Variants in XYLT1 observed in about 807,000 individuals in gnomAD.
XYLT1 encodes xylosyltransferase 1.
Under a neutral mutation model 91.3 loss-of-function variants are expected in XYLT1, and 36 were observed. The ratio of observed to expected loss-of-function variants is 0.39; its 90% CI spans 0.30 to 0.52. The LOEUF (loss-of-function observed/expected upper bound fraction) is 0.52, where lower values mean the gene tolerates loss of function less well. Among genes scored for constraint, XYLT1 ranks in the 20% least tolerant of loss-of-function variants. XYLT1 has a pLI of 0.68. For synonymous variants in XYLT1, 588 were observed against 532.0 expected, an observed-to-expected ratio of 1.11 and a Z score of -1.45; for missense variants, 1,242 against 1,284.5, an observed-to-expected ratio of 0.97 and a Z score of 0.51.
At chr16:17,308,461 C>T (rs975209950) in intron 2 of XYLT1, among the ~76,000 whole-genome samples, 1 of 152,222 alleles carries the variant, frequency 6.6e-6, no homozygotes, top group Non-Finnish European at 1.5e-5. Context: ...TAGAACCTTT[C>T]CTCTCCTCAC....
chr16:17,319,283 G>C (rs2034682120), intron 2 of XYLT1, among the ~76,000 whole-genome samples: 1 of 152,156 alleles, frequency 6.6e-6, no homozygotes, highest in African/African-American at 2.4e-5. Flanking sequence ...TGAAACATTT[G>C]TTCAATGCCT....
intron 2 of XYLT1, among the ~76,000 whole-genome samples, chr16:17,267,648 A>G (rs1442076792): frequency 6.6e-6 from 1 of 152,124 alleles, no homozygotes; most frequent in Non-Finnish European, 1.5e-5. Flanking sequence ...TGACCTCATG[A>G]TCCGCCCGCC....
chr16:17,108,233 G>C lies in XYLT1; in HGVS notation c.*462C>G, dbSNP rs946090955. ...GTACCGTAGGAGATACCCTGGGCAA[G>C]GGGACCGCCCAGAGGGCTGAGCTTT... On this transcript the variant is annotated 3_prime_UTR_variant, in exon 12 of 12. Coordinates refer to ENST00000261381, the MANE Select transcript of XYLT1 (RefSeq NM_022166.4). The C allele has an allele frequency of 6.4e-6, 1 of 155,464 alleles. No individual in the cohort carries two copies. Among genetic ancestry groups the C allele is most frequent in the Non-Finnish European group, 1.4e-5 (1 of 70,126 alleles). The allele number at this position is 155,464 out of a possible 1,614,324, so 9.6% of individuals were successfully genotyped here.
chr16:17,383,262 CCTT>C (rs2035703816), intron 1 of XYLT1, among the ~76,000 whole-genome samples: 3 of 151,894 alleles, frequency 2.0e-5, no homozygotes. Context: ...GCCAGGAATC[CCTT>C]CTTCTCTTGC....
intron 2 of XYLT1, among the ~76,000 whole-genome samples, chr16:17,307,685 C>A (rs762260856): frequency 7.9e-5 from 12 of 152,150 alleles, no homozygotes; most frequent in Non-Finnish European, 1.8e-4. Context: ...ATGACTCTGG[C>A]CCATTTGTAA....
At chr16:17,250,422 C>T (rs1046446886) in intron 3 of XYLT1, 8 of 152,212 alleles carry the variant, frequency 5.3e-5, no homozygotes, top group African/African-American at 1.9e-4. Flanking sequence ...CTGAAGCATG[C>T]CCACAATGGT....
intron 3 of XYLT1, among the ~76,000 whole-genome samples, chr16:17,216,544 C>T (rs528692718): frequency 6.6e-6 from 1 of 152,038 alleles, no homozygotes; most frequent in Non-Finnish European, 1.5e-5. Context: ...CCATTTGTCA[C>T]ATTAATGCTG....
At chr16:17,461,532 GA>G (rs1411643917) in intron 1 of XYLT1, among the ~76,000 whole-genome samples, 1 of 152,188 alleles carries the variant, frequency 6.6e-6, no homozygotes, top group Non-Finnish European at 1.5e-5. Context: ...TAGATAGGTG[GA>G]TGAATGGATC....
intron 11 of XYLT1, among the ~76,000 whole-genome samples, chr16:17,111,384 T>C (rs1966840522): frequency 6.6e-6 from 1 of 152,210 alleles, no homozygotes; most frequent in South Asian, 2.1e-4. Flanking sequence ...TATTGCTCAG[T>C]AGAAGCACAT....
chr16:17,199,893 A>G (rs2032500184), intron 4 of XYLT1, among the ~76,000 whole-genome samples: 1 of 152,156 alleles, frequency 6.6e-6, no homozygotes, highest in Non-Finnish European at 1.5e-5. Flanking sequence ...TGTGAGAGGC[A>G]GGCAGAGGGC....
chr16:17,392,381 C>T (rs1291780534), intron 1 of XYLT1, among the ~76,000 whole-genome samples: 1 of 152,130 alleles, frequency 6.6e-6, no homozygotes, highest in Non-Finnish European at 1.5e-5. Flanking sequence ...ATGTCACCTC[C>T]CTCAGGGCTC....
intron 2 of XYLT1, among the ~76,000 whole-genome samples, chr16:17,354,210 G>A (rs2035261729): frequency 6.6e-6 from 1 of 152,116 alleles, no homozygotes; most frequent in Non-Finnish European, 1.5e-5. Context: ...CCTCCCCAGG[G>A]GCAGCCTGCC....
chr16:17,200,986 G>A (rs950625240), intron 3 of XYLT1, among the ~76,000 whole-genome samples: 12 of 152,220 alleles, frequency 7.9e-5, no homozygotes, highest in Admixed American at 2.6e-4. Flanking sequence ...AATGACAGAG[G>A]AAGAAGCAGT....
At chr16:17,401,787 C>T (rs1470753831) in intron 1 of XYLT1, among the ~76,000 whole-genome samples, 2 of 151,722 alleles carry the variant, frequency 1.3e-5, no homozygotes, top group Non-Finnish European at 2.9e-5. Context: ...GTTTCTTGGC[C>T]AGTCAGCTCC....
intron 1 of XYLT1, among the ~76,000 whole-genome samples, chr16:17,464,489 C>CAAAAAAAAAAAAAAAAAAAAAACAAAAAA (rs34575069): frequency 8.3e-6 from 1 of 120,072 alleles, no homozygotes; most frequent in African/African-American, 3.2e-5. Context: ...AAAACTGTCT[C>CAAAAAAAAAAAAAAAAAAAAAACAAAAAA]AAAAAAAAAA....
intron 1 of XYLT1, among the ~76,000 whole-genome samples, chr16:17,385,522 T>A (rs951697566): frequency 7.2e-5 from 11 of 151,986 alleles, no homozygotes; most frequent in African/African-American, 2.6e-4. Flanking sequence ...TGCAAATGCA[T>A]TTTTGACACA....
intron 2 of XYLT1, among the ~76,000 whole-genome samples, chr16:17,345,744 C>G (rs538574477): frequency 2.0e-5 from 3 of 152,330 alleles, no homozygotes; most frequent in African/African-American, 7.2e-5. Context: ...GCTTAATGCA[C>G]GTTAACCCAT....
chr16:17,224,136 C>T (rs1047884676), intron 3 of XYLT1, among the ~76,000 whole-genome samples: 21 of 152,130 alleles, frequency 1.4e-4, no homozygotes, highest in African/African-American at 4.8e-4. Flanking sequence ...AAGAAGGTAA[C>T]CTGACATATT....
intron 2 of XYLT1, among the ~76,000 whole-genome samples, chr16:17,316,475 C>A (rs2034634623): frequency 6.6e-6 from 1 of 152,110 alleles, no homozygotes; most frequent in African/African-American, 2.4e-5. Context: ...CTGCTCACTG[C>A]AGCCTCTACC....
Sources: gnomAD v4.1 joint callset for allele counts (sites outside exome capture counted in the v4.1 genomes callset) on GRCh38, gnomAD v4.1.1 for gene constraint, MANE v1.5 for transcripts, NCBI Gene and HGNC (gene_info 2026-07-23, HGNC 2026-07-21) for gene names.